Variants in CEP112 observed in about 807,000 individuals in gnomAD.
CEP112 encodes centrosomal protein 112.
In CEP112, 127 loss-of-function variants were observed where a neutral mutation model predicts 153.0. That is an observed-to-expected ratio of 0.83 (90% CI 0.72 to 0.96). The LOEUF (loss-of-function observed/expected upper bound fraction) is 0.96, where lower values mean the gene tolerates loss of function less well. Among genes scored for constraint, CEP112 ranks in the 40% least tolerant of loss-of-function variants. The pLI is 0.00. For synonymous variants in CEP112, 358 were observed against 374.4 expected (o/e 0.96, Z 0.51); for missense variants, 1,089 against 1,101.2 (o/e 0.99, Z 0.16).
chr17:65,857,218 T>G (rs1050226794), intron 20 of CEP112, among the ~76,000 whole-genome samples: 15 of 152,322 alleles, frequency 9.8e-5, no homozygotes, highest in African/African-American at 3.6e-4. Context: ...ACAGAAACTT[T>G]AAAACCATGG....
At chr17:66,115,432 A>G (rs1464427201) in intron 6 of CEP112, among the ~76,000 whole-genome samples, 2 of 152,244 alleles carry the variant, frequency 1.3e-5, no homozygotes, top group African/African-American at 4.8e-5. Context: ...CAACTTGGGC[A>G]GCTCATCTAC....
intron 23 of CEP112, among the ~76,000 whole-genome samples, chr17:65,701,653 A>G (rs964844243): frequency 1.3e-5 from 2 of 152,118 alleles, no homozygotes; most frequent in African/African-American, 4.8e-5. Flanking sequence ...TGACATCTCC[A>G]ACTGTCTCTC....
At chr17:65,976,057 C>T (rs1271905035) in intron 17 of CEP112, among the ~76,000 whole-genome samples, 1 of 152,236 alleles carries the variant, frequency 6.6e-6, no homozygotes, top group Non-Finnish European at 1.5e-5. Context: ...AGAACTGCTG[C>T]CCTTTCTTCA....
intron 8 of CEP112, among the ~76,000 whole-genome samples, chr17:66,094,533 A>T (rs993078141): frequency 6.6e-5 from 10 of 152,216 alleles, no homozygotes; most frequent in Non-Finnish European, 1.5e-4. Context: ...GTGAGACCTG[A>T]CATTTTAAAA....
intron 20 of CEP112, among the ~76,000 whole-genome samples, chr17:65,863,938 T>C (rs2058397354): frequency 6.6e-6 from 1 of 150,830 alleles, no homozygotes; most frequent in Non-Finnish European, 1.5e-5. Flanking sequence ...GGTGAAGAGA[T>C]CGAGACCAAC....
At position 65,840,095 on chromosome 17, in the gene CEP112, A is replaced by G. The variant is rs964768051; in HGVS notation, c.2394+11709T>C. ...TAAAATGCCCACACTACCCATAACAATCTACGGGTTGATTGCAATCTGTAT... is the reference window on the plus strand; with the variant it reads ...TAAAATGCCCACACTACCCATAACAGTCTACGGGTTGATTGCAATCTGTAT... On this transcript the variant is annotated intron_variant, in intron 21 of 26. Coordinates refer to ENST00000535342, the MANE Select transcript of CEP112 (RefSeq NM_001199165.4). 5.9e-5 allele frequency among the ~76,000 whole-genome samples: 9 copies of G among 152,108 alleles called. 1 individual carries two copies. Among genetic ancestry groups the G allele is most frequent in the African/African-American group, 2.2e-4 (9 of 41,446 alleles).
chr17:65,638,276 C>T (rs369370316), intron 25 of CEP112, among the ~76,000 whole-genome samples: 8 of 152,308 alleles, frequency 5.3e-5, no homozygotes, highest in East Asian at 1.9e-4. Context: ...CTGTATCAGG[C>T]GTGGATTCAA....
Position 65,679,129 on chromosome 17 carries a change from C to CTTTTTTTTTTTTTTTTTTT in CEP112, c.2697+9981_2697+9999dup, listed in dbSNP as rs57907674. ...AATGTCCTTGACACTGTGGTTCAAGCTTTTTTTTTTTTTTTTTTTTTTTTT... is the reference window on the plus strand; with the variant it reads ...AATGTCCTTGACACTGTGGTTCAAGCTTTTTTTTTTTTTTTTTTTTTTTTTTTTTTTTTTTTTTTTTTTT... On this transcript the variant is annotated intron_variant, in intron 24 of 26. Transcript: ENST00000535342. 3.5e-4 allele frequency among the ~76,000 whole-genome samples: 11 copies of CTTTTTTTTTTTTTTTTTTT among 31,630 alleles called. 4 individuals are homozygous for CTTTTTTTTTTTTTTTTTTT. The highest frequency in any genetic ancestry group is 2.8e-3 in the South Asian group (2 of 718). 20.8% of individuals were successfully genotyped at this position (31,630 alleles called of 152,430 possible).
chr17:66,169,263 A>G (rs1328360454), intron 4 of CEP112, among the ~76,000 whole-genome samples: 1 of 150,036 alleles, frequency 6.7e-6, no homozygotes, highest in Non-Finnish European at 1.5e-5. Context: ...GTACATTATG[A>G]GCCAATTTTT....
intron 17 of CEP112, among the ~76,000 whole-genome samples, chr17:65,977,689 C>T (rs2063087271): frequency 6.6e-6 from 1 of 152,090 alleles, no homozygotes; most frequent in South Asian, 2.1e-4. Context: ...GCCTATAATC[C>T]CGACACTTTG....
At chr17:66,057,758 TACACACACACACAC>T (rs71160526) in intron 11 of CEP112, among the ~76,000 whole-genome samples, 3 of 142,386 alleles carry the variant, frequency 2.1e-5, no homozygotes, top group Non-Finnish European at 4.6e-5. Flanking sequence ...AAAATTACTC[TACACACACACACAC>T]ACACACACAC....
chr17:65,993,891 T>G lies in CEP112; in HGVS notation c.1736+11799A>C, dbSNP rs1377578399. Among the ~76,000 whole-genome samples the G allele has an allele frequency of 3.9e-5, 6 of 152,084 alleles. No individual in the cohort carries two copies. The East Asian group carries it at 1.2e-3, about 29-fold the overall frequency. The stretch of plus-strand genomic sequence containing the variant: ...ATGCTGTTAATGTTCAGTTTCTTGA[T>G]CTAGGAGCTGCTTACATGGGTGTGT... On this transcript the variant is annotated intron_variant, in intron 17 of 26. Coordinates refer to ENST00000535342, the MANE Select transcript of CEP112 (RefSeq NM_001199165.4).
chr17:66,084,686 G>T lies in CEP112; in HGVS notation c.768+11565C>A, dbSNP rs149759569. Among the ~76,000 whole-genome samples, 1,192 of 152,226 alleles carry T rather than the reference G, an allele frequency of 7.8e-3. 5 individuals are homozygous for T. The highest frequency in any genetic ancestry group is 0.013 in the Non-Finnish European group (861 of 68,000). The stretch of plus-strand genomic sequence containing the variant: ...CTGGAAAGGGTAGTGGGAAGGCAGG[G>T]GGGGAGTTGGGATGGTTAATGGGTA... On this transcript the variant is annotated intron_variant, in intron 8 of 26. Coordinates refer to ENST00000535342, the MANE Select transcript of CEP112 (RefSeq NM_001199165.4).
At chr17:65,991,485 G>A (rs1319483740) in intron 17 of CEP112, among the ~76,000 whole-genome samples, 1 of 136,308 alleles carries the variant, frequency 7.3e-6, no homozygotes, top group African/African-American at 2.5e-5. Flanking sequence ...ATATGCATCA[G>A]TTAAAAACAG....
At chr17:65,890,848 C>A (rs11079595) in intron 20 of CEP112, among the ~76,000 whole-genome samples, 18 of 152,096 alleles carry the variant, frequency 1.2e-4, no homozygotes, top group Admixed American at 1.2e-3. Flanking sequence ...AATGTGCGAG[C>A]GAGGGGAGCT....
Position 65,694,407 on chromosome 17 carries a change from G to A in CEP112, c.2608-5189C>T, listed in dbSNP as rs73336842. Among the ~76,000 whole-genome samples, 1,112 of 152,228 alleles carry A rather than the reference G, an allele frequency of 7.3e-3. 14 individuals carry two copies. The highest frequency in any genetic ancestry group is 0.025 in the African/African-American group (1,053 of 41,532). The stretch of plus-strand genomic sequence containing the variant: ...ATACTTCACATAGTGAACAGACTAC[G>A]AAGTCAACCATATTTTATCAGTATT... On this transcript the variant is annotated intron_variant, in intron 23 of 26. Transcript: ENST00000535342.
At chr17:65,637,607 C>T (rs892368080) in intron 25 of CEP112, among the ~76,000 whole-genome samples, 3 of 152,240 alleles carry the variant, frequency 2.0e-5, no homozygotes, top group Non-Finnish European at 4.4e-5. Context: ...CCTGTGGAAT[C>T]GTTCACCTCC....
chr17:66,171,248 C>T (rs1220769443), intron 4 of CEP112, among the ~76,000 whole-genome samples: 1 of 152,008 alleles, frequency 6.6e-6, no homozygotes, highest in Non-Finnish European at 1.5e-5. Context: ...AAATACTTCA[C>T]ATACAAAAAG....
chr17:65,793,156 T>C (rs980728256), intron 21 of CEP112, among the ~76,000 whole-genome samples: 1 of 151,726 alleles, frequency 6.6e-6, no homozygotes, highest in African/African-American at 2.4e-5. Flanking sequence ...GAGTGGAGGG[T>C]GAAGATAGCT....
Sources: gnomAD v4.1 joint callset for allele counts (sites outside exome capture counted in the v4.1 genomes callset) on GRCh38, gnomAD v4.1.1 for gene constraint, MANE v1.5 for transcripts, NCBI Gene and HGNC (gene_info 2026-07-23, HGNC 2026-07-21) for gene names.